The following CHST15 variants were observed in gnomAD, a reference collection of about 807,000 sequenced individuals.
The protein encoded by CHST15 is B cell RAG associated protein (GALNAC4S-6ST).
In CHST15, 30 loss-of-function variants were observed where a neutral mutation model predicts 53.6. The ratio of observed to expected loss-of-function variants is 0.56; its 90% CI spans 0.42 to 0.76. CHST15 has a LOEUF of 0.76. CHST15 is among the 30% of genes least tolerant of loss of function. The pLI is 0.00. For synonymous variants in CHST15, 296 were observed against 289.8 expected (o/e 1.02, Z -0.22); for missense variants, 627 against 740.5 (o/e 0.85, Z 1.78).
intron 6 of CHST15, among the ~76,000 whole-genome samples, chr10:124,018,499 C>A (rs750927751): frequency 3.3e-5 from 5 of 152,256 alleles, no homozygotes; most frequent in Non-Finnish European, 7.3e-5. Flanking sequence ...GGGGGAGACA[C>A]AGCCAGGCCT....
At chr10:124,070,711 G>A (rs114689568) in intron 1 of CHST15, among the ~76,000 whole-genome samples, 3,948 of 152,250 alleles carry the variant, frequency 0.026, 163 homozygotes, top group African/African-American at 0.088. Flanking sequence ...TCTATGTCAG[G>A]CTCAAGTGTA....
intron 6 of CHST15, chr10:124,020,636 C>A (rs548375850): frequency 1.0e-5 from 10 of 988,624 alleles, no homozygotes; most frequent in Non-Finnish European, 1.2e-5. Context: ...CGGCAATGCT[C>A]GCTGCATAAG....
Position 124,008,543 on chromosome 10 carries a change from G to A in CHST15, c.*1606C>T. The A allele has an allele frequency of 1.0e-6, 1 of 991,826 alleles. No homozygotes were observed. The highest frequency in any genetic ancestry group is 1.2e-6 in the Non-Finnish European group (1 of 833,428). 61.4% of individuals were successfully genotyped at this position (991,826 alleles called of 1,614,324 possible). On this transcript the variant is annotated 3_prime_UTR_variant, in exon 8 of 8. Transcript: ENST00000435907. ...CTCCTTCAGTAGCAAAAACAGCCCTGGCCATCCTGGCGCTCAGAGCCCTCT... is the reference window on the plus strand; with the variant it reads ...CTCCTTCAGTAGCAAAAACAGCCCTAGCCATCCTGGCGCTCAGAGCCCTCT...
intron 6 of CHST15, chr10:124,020,988 C>A: frequency 7.1e-7 from 1 of 1,410,314 alleles, no homozygotes; most frequent in Non-Finnish European, 9.2e-7. Context: ...AAATGGTAAT[C>A]TTCCTAAAGG....
rs754850957 is a variant in CHST15, at chr10:124,010,144, A to G, written c.*5T>C. On this transcript the variant is annotated 3_prime_UTR_variant, in exon 8 of 8. Transcript: ENST00000435907. ...GGCCCAGCACGTGCAGCAACAATTC[A>G]GCTCTCACGTCGTCTTCCACGCAAA... is the stretch of plus-strand genomic sequence containing the variant. 3 of 1,612,416 alleles carry G rather than the reference A, an allele frequency of 1.9e-6. No individual in the cohort carries two copies. Among genetic ancestry groups the G allele is most frequent in the Non-Finnish European group, 1.7e-6 (2 of 1,180,014 alleles).
Position 124,007,712 on chromosome 10 carries a change from T to C in CHST15, c.*2437A>G, listed in dbSNP as rs954977669. On this transcript the variant is annotated 3_prime_UTR_variant, in exon 8 of 8. Transcript: ENST00000435907. ...ACGCGCTCCACAGGCGTCACTCTTATGGGTCCATCTTTAATTATGTTAAAT... is the reference window on the plus strand; with the variant it reads ...ACGCGCTCCACAGGCGTCACTCTTACGGGTCCATCTTTAATTATGTTAAAT... 6 of 1,226,174 alleles carry C rather than the reference T, an allele frequency of 4.9e-6. No individual in the cohort carries two copies. The highest frequency in any genetic ancestry group is 4.3e-5 in the South Asian group (1 of 23,430). 76.0% of individuals were successfully genotyped at this position (1,226,174 alleles called of 1,614,324 possible). A position where few individuals can be genotyped will look rare whatever the true frequency, so the allele number is the denominator to read the frequency against.
Position 124,019,124 on chromosome 10 carries a change from G to A in CHST15, c.1347+2132C>T, listed in dbSNP as rs1482696494. On this transcript the variant is annotated intron_variant, in intron 6 of 7. Coordinates refer to ENST00000435907, the MANE Select transcript of CHST15 (RefSeq NM_001270764.2). This position sits in a 1 kb window ranked among gnomAD's most constrained non-coding sequence, Gnocchi z 4.6. ...CACCAGGAAAGTGTAGATGTGGCACGAAATGGGCCTGGCCTGAGTCACAGC... is the reference window on the plus strand; with the variant it reads ...CACCAGGAAAGTGTAGATGTGGCACAAAATGGGCCTGGCCTGAGTCACAGC... Among the ~76,000 whole-genome samples, 1 of 152,120 alleles carries A rather than the reference G, an allele frequency of 6.6e-6. No individual in the cohort carries two copies. Among genetic ancestry groups the A allele is most frequent in the Non-Finnish European group, 1.5e-5 (1 of 68,028 alleles).
At chr10:124,052,625 A>G (rs1343533320) in intron 1 of CHST15, among the ~76,000 whole-genome samples, 2 of 152,236 alleles carry the variant, frequency 1.3e-5, no homozygotes, top group Non-Finnish European at 1.5e-5. Context: ...CTTGAACAAG[A>G]TATTAAACGT....
intron 1 of CHST15, among the ~76,000 whole-genome samples, chr10:124,071,078 A>C (rs2134158756): frequency 6.6e-6 from 1 of 152,318 alleles, no homozygotes; most frequent in Non-Finnish European, 1.5e-5. Context: ...ATTTGATTTG[A>C]TCTGATTCTA....
intron 1 of CHST15, among the ~76,000 whole-genome samples, chr10:124,056,798 C>T (rs931992166): frequency 6.6e-6 from 1 of 151,440 alleles, no homozygotes; most frequent in Non-Finnish European, 1.5e-5. Flanking sequence ...GGCCCAGGCC[C>T]GTACAACCGG....
chr10:124,066,062 G>A (rs554896262), intron 1 of CHST15, among the ~76,000 whole-genome samples: 1 of 151,802 alleles, frequency 6.6e-6, no homozygotes, highest in South Asian at 2.1e-4. Flanking sequence ...TTCTTATTTG[G>A]TCCCCTCAGT....
chr10:124,014,075 C>T (rs1159976540), intron 6 of CHST15, among the ~76,000 whole-genome samples: 1 of 152,236 alleles, frequency 6.6e-6, no homozygotes, highest in Non-Finnish European at 1.5e-5. Context: ...GCTTAAACTT[C>T]CAGCTCATCC....
At chr10:124,045,010 C>G (rs1947911565) in intron 2 of CHST15, 91 bp from the exon 3 acceptor site, 2 of 767,044 alleles carry the variant, frequency 2.6e-6, no homozygotes, top group Non-Finnish European at 3.6e-6. Flanking sequence ...CTGAGACTGA[C>G]GACCGTGTTC....
At chr10:124,082,387 C>T (rs1949273259) in intron 1 of CHST15, among the ~76,000 whole-genome samples, 1 of 152,152 alleles carries the variant, frequency 6.6e-6, no homozygotes, top group African/African-American at 2.4e-5. Context: ...GGGGCTGAAC[C>T]ACGTTCGCCC....
chr10:124,008,913 A>T lies in CHST15; in HGVS notation c.*1236T>A. The stretch of plus-strand genomic sequence containing the variant: ...CTCTAGCCCATCCATCGGTAAACCA[A>T]GCTGCCAAGTGGCCTGGAAAATTCC... On this transcript the variant is annotated 3_prime_UTR_variant, in exon 8 of 8. Coordinates refer to ENST00000435907, the MANE Select transcript of CHST15 (RefSeq NM_001270764.2). 1 of 1,288,072 alleles carries T rather than the reference A, an allele frequency of 7.8e-7. No individual in the cohort carries two copies. Among genetic ancestry groups the T allele is most frequent in the Non-Finnish European group, 1.0e-6 (1 of 987,738 alleles). The allele number at this position is 1,288,072 out of a possible 1,614,324, so 79.8% of individuals were successfully genotyped here.
intron 7 of CHST15, chr10:124,010,694 G>A (rs776098797): frequency 2.3e-4 from 227 of 985,324 alleles, no homozygotes; most frequent in Non-Finnish European, 2.7e-4. Context: ...GGAGGAACGT[G>A]CGGCCTGCCG....
chr10:124,067,043 C>G (rs75682619), intron 1 of CHST15, among the ~76,000 whole-genome samples: 1 of 152,214 alleles, frequency 6.6e-6, no homozygotes. Flanking sequence ...AGCACTGTGC[C>G]GGGCATGCAG....
intron 4 of CHST15, among the ~76,000 whole-genome samples, chr10:124,040,437 T>C (rs936762525): frequency 6.6e-6 from 1 of 152,138 alleles, no homozygotes; most frequent in Non-Finnish European, 1.5e-5. Context: ...ACTTTCAACA[T>C]GTCTAAAGCT....
intron 4 of CHST15, among the ~76,000 whole-genome samples, chr10:124,042,033 T>C (rs1947758353): frequency 6.6e-6 from 1 of 152,222 alleles, no homozygotes; most frequent in East Asian, 1.9e-4. Context: ...AACAAAGAAA[T>C]GGCAACTTCT....
Sources: gnomAD v4.1 joint callset for allele counts (sites outside exome capture counted in the v4.1 genomes callset) on GRCh38, gnomAD v4.1.1 for gene constraint, Gnocchi (gnomAD v3.1) non-coding constraint, MANE v1.5 for transcripts, NCBI Gene and HGNC (gene_info 2026-07-23, HGNC 2026-07-21) for gene names.